The following SGCZ variants were observed in gnomAD, a reference collection of about 807,000 sequenced individuals.
SGCZ encodes the protein zeta-sarcoglycan.
SGCZ carries 40 observed loss-of-function variants against 41.3 expected under a neutral mutation model. The ratio of observed to expected loss-of-function variants is 0.97; its 90% CI spans 0.75 to 1.26. The LOEUF (loss-of-function observed/expected upper bound fraction) is 1.26, where lower values mean the gene tolerates loss of function less well. SGCZ is among the 50% of genes most tolerant of loss of function. SGCZ has a pLI of 0.00. For synonymous variants in SGCZ, 206 were observed against 137.5 expected, an observed-to-expected ratio of 1.50 and a Z score of -3.49; for missense variants, 552 against 369.8, an observed-to-expected ratio of 1.49 and a Z score of -4.04.
At chr8:15,000,549 G>T (rs555319107) in intron 1 of SGCZ, among the ~76,000 whole-genome samples, 1 of 152,248 alleles carries the variant, frequency 6.6e-6, no homozygotes, top group South Asian at 2.1e-4. Context: ...ATGGGTGAGT[G>T]CCCCAGGAAC....
chr8:14,087,421 C>G lies in SGCZ; in HGVS notation c.*3022G>C, dbSNP rs903145287. ...TGAATTCAGATACATCTCGGTTTAT[C>G]CATTCCTGGCAAATAACTTAAATGC... is the stretch of plus-strand genomic sequence containing the variant. On this transcript the variant is annotated 3_prime_UTR_variant, in exon 8 of 8. Transcript: ENST00000382080. 3.3e-5 allele frequency among the ~76,000 whole-genome samples: 5 copies of G among 151,552 alleles called. No individual in the cohort carries two copies. Among genetic ancestry groups the G allele is most frequent in the Non-Finnish European group, 7.4e-5 (5 of 67,694 alleles).
rs1224546203 is a variant in SGCZ at position 14,088,630 on chromosome 8, T to G, written c.*1813A>C. ...CATAAATTCTTATTTCAATATTGAT[T>G]TAAAAAGTTATATAATAACACCCAA... On this transcript the variant is annotated 3_prime_UTR_variant, in exon 8 of 8. Coordinates refer to ENST00000382080, the MANE Select transcript of SGCZ (RefSeq NM_139167.4). Among the ~76,000 whole-genome samples the G allele has an allele frequency of 1.3e-5, 2 of 151,894 alleles. No individual in the cohort carries two copies. Among genetic ancestry groups the G allele is most frequent in the Non-Finnish European group, 2.9e-5 (2 of 67,888 alleles).
intron 1 of SGCZ, among the ~76,000 whole-genome samples, chr8:15,010,701 GAT>G (rs1563434326): frequency 6.6e-6 from 1 of 152,176 alleles, no homozygotes; most frequent in African/African-American, 2.4e-5. Context: ...GAACTAATGT[GAT>G]ATAGAGGCTT....
chr8:14,749,317 G>A (rs1010414549), intron 1 of SGCZ, among the ~76,000 whole-genome samples: 8 of 152,216 alleles, frequency 5.3e-5, no homozygotes, highest in Non-Finnish European at 1.0e-4. Flanking sequence ...CCCAGAAACC[G>A]AATGCTCAAC....
intron 2 of SGCZ, among the ~76,000 whole-genome samples, chr8:14,541,298 C>A (rs28429780): frequency 8.6e-4 from 131 of 152,020 alleles, no homozygotes; most frequent in African/African-American, 3.1e-3. Context: ...CTCTCCCTCC[C>A]CTTTACCCCC....
At chr8:15,034,024 G>A (rs1445490616) in intron 1 of SGCZ, among the ~76,000 whole-genome samples, 1 of 152,086 alleles carries the variant, frequency 6.6e-6, no homozygotes, top group Non-Finnish European at 1.5e-5. Context: ...TAAATGTACA[G>A]GCTTCAACCT....
intron 1 of SGCZ, among the ~76,000 whole-genome samples, chr8:14,804,595 A>G (rs1315750830): frequency 7.1e-6 from 1 of 141,774 alleles, no homozygotes; most frequent in Non-Finnish European, 1.6e-5. Context: ...GACCAAATCT[A>G]CGTCTGATTG....
At chr8:14,914,707 T>C (rs1425259476) in intron 1 of SGCZ, among the ~76,000 whole-genome samples, 3 of 152,208 alleles carry the variant, frequency 2.0e-5, no homozygotes, top group African/African-American at 7.2e-5. Context: ...ACAAAAATCT[T>C]ATCAAAAAGC....
At chr8:14,339,413 C>G (rs1215553359) in intron 2 of SGCZ, among the ~76,000 whole-genome samples, 3 of 152,194 alleles carry the variant, frequency 2.0e-5, no homozygotes. Flanking sequence ...TCTTAGGACA[C>G]AAATTATGAT....
At chr8:15,132,402 A>G (rs1423182269) in intron 1 of SGCZ, among the ~76,000 whole-genome samples, 1 of 152,054 alleles carries the variant, frequency 6.6e-6, no homozygotes, top group African/African-American at 2.4e-5. Flanking sequence ...CCTTATACCA[A>G]ATTTTCCTGT....
intron 1 of SGCZ, among the ~76,000 whole-genome samples, chr8:14,573,866 GA>G (rs1327518424): frequency 1.3e-5 from 2 of 152,060 alleles, no homozygotes; most frequent in African/African-American, 4.8e-5. Context: ...ATTAGACCAT[GA>G]AAAAATAAAA....
At chr8:14,586,653 G>C (rs1303530921) in intron 1 of SGCZ, among the ~76,000 whole-genome samples, 1 of 152,144 alleles carries the variant, frequency 6.6e-6, no homozygotes. Flanking sequence ...AGCTTTCCAT[G>C]GAAGGACCTC....
At chr8:15,232,684 T>TATATATGTGTGTATATATATAC in intron 1 of SGCZ, among the ~76,000 whole-genome samples, 1 of 141,496 alleles carries the variant, frequency 7.1e-6, no homozygotes, top group South Asian at 2.2e-4. Context: ...TGTATATATA[T>TATATATGTGTGTATATATATAC]ATATATGTGT....
At chr8:14,862,242 T>G (rs1391708449) in intron 1 of SGCZ, among the ~76,000 whole-genome samples, 1 of 151,928 alleles carries the variant, frequency 6.6e-6, no homozygotes, top group Non-Finnish European at 1.5e-5. Flanking sequence ...TCTGAGAATC[T>G]GAGGGTCATT....
chr8:14,435,075 A>G (rs1406143364), intron 2 of SGCZ, among the ~76,000 whole-genome samples: 2 of 152,170 alleles, frequency 1.3e-5, no homozygotes, highest in Admixed American at 6.5e-5. Context: ...TTTTGCCCTC[A>G]AAGTCGATAT....
At chr8:15,195,195 C>T (rs188551573) in intron 1 of SGCZ, among the ~76,000 whole-genome samples, 5 of 152,262 alleles carry the variant, frequency 3.3e-5, no homozygotes, top group Admixed American at 2.6e-4. Flanking sequence ...CAGTGTCCTA[C>T]GAATCATTTT....
chr8:14,468,640 ATCTT>A (rs1273939559), intron 2 of SGCZ, among the ~76,000 whole-genome samples: 2 of 152,230 alleles, frequency 1.3e-5, no homozygotes, highest in East Asian at 3.9e-4. Context: ...TATCCATTTT[ATCTT>A]TCTAATGCCA....
intron 1 of SGCZ, among the ~76,000 whole-genome samples, chr8:14,786,046 T>G (rs181204572): frequency 7.5e-6 from 1 of 132,868 alleles, no homozygotes; most frequent in Non-Finnish European, 1.5e-5. Context: ...TTTTAAGACT[T>G]TATTGTCCTA....
chr8:14,506,789 T>A (rs1208249520), intron 2 of SGCZ, among the ~76,000 whole-genome samples: 1 of 152,148 alleles, frequency 6.6e-6, no homozygotes, highest in Non-Finnish European at 1.5e-5. Context: ...CATATGTGCA[T>A]CTCTCTTCCT....
Sources: gnomAD v4.1 joint callset for allele counts (sites outside exome capture counted in the v4.1 genomes callset) on GRCh38, gnomAD v4.1.1 for gene constraint, MANE v1.5 for transcripts, NCBI Gene and HGNC (gene_info 2026-07-23, HGNC 2026-07-21) for gene names.